Variants in TRMT9B observed in about 807,000 individuals in gnomAD.
TRMT9B encodes the protein probable tRNA methyltransferase 9B.
Under a neutral mutation model 11.5 loss-of-function variants are expected in TRMT9B, and 16 were observed. The ratio of observed to expected loss-of-function variants is 1.39; its 90% CI spans 0.94 to 2.11. The LOEUF (loss-of-function observed/expected upper bound fraction) is 2.11, where lower values mean the gene tolerates loss of function less well. Among genes scored for constraint, TRMT9B ranks in the 30% most tolerant of loss-of-function variants. The pLI is 0.00. For missense variants in TRMT9B, 941 were observed against 553.8 expected (o/e 1.70, Z -7.02); for synonymous variants, 274 against 192.4 (o/e 1.42, Z -3.51).
chr8:13,012,856 A>C lies in TRMT9B; in HGVS notation c.327A>C (p.Gly109=). Residue 109 remains glycine, a splice_region_variant and synonymous_variant, in exon 4 of 5, where the codon GGA becomes GGC. Coordinates refer to ENST00000524591, the MANE Select transcript of TRMT9B (RefSeq NM_020844.3). The part of the protein sequence containing the change: ...DEGFDAIISI[G]VIHHFSTKQR... ...GCTTCGATGCCATCATCTCCATAGGAGGTAAGGCAGCCAGATCACACATTC... is the reference window on the plus strand; with the variant it reads ...GCTTCGATGCCATCATCTCCATAGGCGGTAAGGCAGCCAGATCACACATTC... 6.2e-7 allele frequency: 1 copy of C among 1,613,420 alleles called. No homozygotes were observed. Among genetic ancestry groups the C allele is most frequent in the Non-Finnish European group, 8.5e-7 (1 of 1,179,686 alleles).
intron 1 of TRMT9B, chr8:12,952,598 C>A: frequency 1.4e-6 from 1 of 732,330 alleles, no homozygotes; most frequent in Non-Finnish European, 1.7e-6. Context: ...CCCTGGGGAA[C>A]TGATTTTTAA....
intron 1 of TRMT9B, chr8:12,961,985 C>G (rs1167776049): frequency 6.6e-6 from 1 of 152,220 alleles, no homozygotes; most frequent in Non-Finnish European, 1.5e-5. Flanking sequence ...GATCAGAGAC[C>G]ACAGAATCCA....
chr8:13,001,268 C>T (rs1809391213), intron 2 of TRMT9B, among the ~76,000 whole-genome samples: 1 of 152,184 alleles, frequency 6.6e-6, no homozygotes, highest in Non-Finnish European at 1.5e-5. Flanking sequence ...GGGTCAGTCT[C>T]ACCCATGGAC....
intron 1 of TRMT9B, among the ~76,000 whole-genome samples, chr8:12,955,008 T>G (rs1035497211): frequency 6.6e-6 from 1 of 152,174 alleles, no homozygotes; most frequent in Admixed American, 6.5e-5. Flanking sequence ...TGGCACATTG[T>G]GAGCAGTCAT....
chr8:12,993,766 A>G (rs1807822772), intron 2 of TRMT9B, among the ~76,000 whole-genome samples: 1 of 152,170 alleles, frequency 6.6e-6, no homozygotes, highest in Non-Finnish European at 1.5e-5. Flanking sequence ...CATCTCTTTC[A>G]CTGTGGCCCC....
chr8:13,001,251 C>G (rs1208302840), intron 2 of TRMT9B, among the ~76,000 whole-genome samples: 1 of 152,184 alleles, frequency 6.6e-6, no homozygotes, highest in Non-Finnish European at 1.5e-5. Flanking sequence ...TTCAAATTCT[C>G]AAGACTGGGT....
At chr8:13,006,786 A>G (rs376211103) in intron 3 of TRMT9B, 2 of 490,946 alleles carry the variant, frequency 4.1e-6, no homozygotes, top group Non-Finnish European at 3.0e-6. Context: ...CTCCTGCCTC[A>G]GACTCCCAAA....
chr8:12,990,969 G>T lies in TRMT9B; in HGVS notation c.-64G>T, dbSNP rs992926046. The T allele has an allele frequency of 7.8e-7, 1 of 1,288,310 alleles. No homozygotes were observed. Among genetic ancestry groups the T allele is most frequent in the African/African-American group, 1.5e-5 (1 of 65,956 alleles). 79.8% of individuals were successfully genotyped at this position (1,288,310 alleles called of 1,614,324 possible). A position where few individuals can be genotyped will look rare whatever the true frequency, so the allele number is the denominator to read the frequency against. On this transcript the variant is annotated 5_prime_UTR_variant, in exon 2 of 5. Coordinates refer to ENST00000524591, the MANE Select transcript of TRMT9B (RefSeq NM_020844.3). ...GAGAAGCAACTGTCACTCTCTGGAG[G>T]TGGAGACTGCCGTGATTCACAAAGA...
chr8:12,970,183 A>C (rs1304973395), intron 1 of TRMT9B: 1 of 152,198 alleles, frequency 6.6e-6, no homozygotes, highest in Non-Finnish European at 1.5e-5. Context: ...CTGTGAACAA[A>C]AATATTTGAA....
intron 1 of TRMT9B, among the ~76,000 whole-genome samples, chr8:12,981,763 C>G (rs1186690030): frequency 6.6e-6 from 1 of 151,938 alleles, no homozygotes; most frequent in Non-Finnish European, 1.5e-5. Flanking sequence ...CCACACCCGG[C>G]TATTTTTCAA....
chr8:13,011,541 T>C, intron 3 of TRMT9B: 1 of 946,562 alleles, frequency 1.1e-6, no homozygotes, highest in Non-Finnish European at 1.3e-6. Context: ...TTCTGGAAAG[T>C]AATTAGATTA....
intron 1 of TRMT9B, among the ~76,000 whole-genome samples, chr8:12,953,230 G>T (rs1036219453): frequency 7.8e-5 from 3 of 38,220 alleles, no homozygotes; most frequent in Non-Finnish European, 1.7e-4. Context: ...TTCAGGTTAA[G>T]ATTATTGGTA....
chr8:12,950,296 C>T (rs28416242), intron 1 of TRMT9B, among the ~76,000 whole-genome samples: 2,653 of 152,294 alleles, frequency 0.017, 84 homozygotes, highest in African/African-American at 0.061. Context: ...CACAGTCTTT[C>T]AATCACTGGA....
chr8:12,959,946 C>T (rs1801865335), intron 1 of TRMT9B: 1 of 152,218 alleles, frequency 6.6e-6, no homozygotes, highest in African/African-American at 2.4e-5. Flanking sequence ...GAAAAGTATT[C>T]TTCCTTTGGC....
intron 2 of TRMT9B, among the ~76,000 whole-genome samples, chr8:12,999,014 T>C (rs1808875134): frequency 1.3e-5 from 2 of 152,116 alleles, no homozygotes; most frequent in South Asian, 4.1e-4. Context: ...GAAAGATTGT[T>C]CAGGGGCTGG....
At chr8:12,988,797 A>G (rs1806794428) in intron 1 of TRMT9B, among the ~76,000 whole-genome samples, 1 of 152,166 alleles carries the variant, frequency 6.6e-6, no homozygotes, top group Admixed American at 6.5e-5. Context: ...TATCAATTCT[A>G]TTATTTTTTA....
At chr8:13,004,707 C>G (rs949343334) in intron 2 of TRMT9B, among the ~76,000 whole-genome samples, 11 of 152,086 alleles carry the variant, frequency 7.2e-5, no homozygotes, top group African/African-American at 2.4e-4. Flanking sequence ...GACTCTGAGT[C>G]TTGCTGGCTC....
At chr8:12,946,983 C>T (rs1300371860) in intron 1 of TRMT9B, among the ~76,000 whole-genome samples, 1 of 152,162 alleles carries the variant, frequency 6.6e-6, no homozygotes, top group African/African-American at 2.4e-5. Context: ...GGCTGAAGAA[C>T]TGAAGGGTTT....
At chr8:12,964,840 G>A (rs1278943543) in intron 1 of TRMT9B, among the ~76,000 whole-genome samples, 1 of 152,188 alleles carries the variant, frequency 6.6e-6, no homozygotes, top group Non-Finnish European at 1.5e-5. Context: ...GATCCTCCCA[G>A]TTCGGCCTCC....
Sources: allele counts gnomAD v4.1 joint callset (sites outside exome capture counted in the v4.1 genomes callset), GRCh38; gene constraint gnomAD v4.1.1; transcripts MANE v1.5; gene names NCBI Gene and HGNC (gene_info 2026-07-23, HGNC 2026-07-21).